PCDHA10: variants seen among roughly 807,000 people sequenced by gnomAD.
The protein encoded by PCDHA10 is protocadherin alpha 10, also known as protocadherin alpha-10.
In PCDHA10, 45 loss-of-function variants were observed where a neutral mutation model predicts 61.2. That is an observed-to-expected ratio of 0.74 (90% confidence interval 0.58 to 0.94). PCDHA10 has a LOEUF of 0.94. PCDHA10 is among the 40% of genes least tolerant of loss of function. The pLI, the probability that PCDHA10 is intolerant of heterozygous loss-of-function variation, is 0.00. For synonymous variants in PCDHA10, 602 were observed against 548.8 expected (o/e 1.10, Z -1.35); for missense variants, 1,278 against 1,236.2 (o/e 1.03, Z -0.51).
intron 1 of PCDHA10, among the ~76,000 whole-genome samples, chr5:140,958,752 T>A (rs1423879082): frequency 6.6e-6 from 1 of 152,166 alleles, no homozygotes; most frequent in Non-Finnish European, 1.5e-5. Context: ...AAAGGAGATT[T>A]TTACCCATTT....
chr5:141,004,768 A>G (rs2098180289), intron 3 of PCDHA10, among the ~76,000 whole-genome samples: 1 of 152,160 alleles, frequency 6.6e-6, no homozygotes, highest in Non-Finnish European at 1.5e-5. Flanking sequence ...CAGGACCTGT[A>G]TTTTAAAGGT....
At chr5:140,884,033 C>T in intron 1 of PCDHA10, 1 of 1,613,402 alleles carries the variant, frequency 6.2e-7, no homozygotes, top group Non-Finnish European at 8.5e-7. Context: ...GGGTGCAGGC[C>T]ACGTGGTGGC....
intron 1 of PCDHA10, among the ~76,000 whole-genome samples, chr5:140,959,927 C>A (rs1554224406): frequency 6.6e-6 from 1 of 152,038 alleles, no homozygotes; most frequent in African/African-American, 2.4e-5. Flanking sequence ...TTGTAAAGCC[C>A]CATTACTTAG....
chr5:140,905,891 G>A (rs1486335678), intron 1 of PCDHA10, among the ~76,000 whole-genome samples: 2 of 152,162 alleles, frequency 1.3e-5, no homozygotes, highest in African/African-American at 4.8e-5. Context: ...TAGGCCATCT[G>A]CAAGCTGAGG....
chr5:140,964,600 A>G (rs1322521285), intron 1 of PCDHA10, among the ~76,000 whole-genome samples: 1 of 152,104 alleles, frequency 6.6e-6, no homozygotes, highest in Non-Finnish European at 1.5e-5. Flanking sequence ...TTTCATGACA[A>G]CTTACAACTT....
At chr5:140,990,084 C>T (rs31873) in intron 3 of PCDHA10, among the ~76,000 whole-genome samples, 3,615 of 152,028 alleles carry the variant, frequency 0.024, 147 homozygotes, top group African/African-American at 0.081. Flanking sequence ...ACAAAGGATG[C>T]TTGTGCTACT....
chr5:140,993,462 T>TCTCACACACACA (rs1235362335), intron 3 of PCDHA10, among the ~76,000 whole-genome samples: 1 of 140,938 alleles, frequency 7.1e-6, no homozygotes, highest in African/African-American at 2.6e-5. Context: ...TCTTTCTTTC[T>TCTCACACACACA]CACACACACA....
At chr5:140,927,033 G>T in intron 1 of PCDHA10, 1 of 1,612,344 alleles carries the variant, frequency 6.2e-7, no homozygotes, top group Non-Finnish European at 8.5e-7. Context: ...GGCTGCCAGC[G>T]GCCGCTATGT....
chr5:140,869,270 T>G (rs782020247), intron 1 of PCDHA10: 48 of 1,613,430 alleles, frequency 3.0e-5, no homozygotes, highest in Non-Finnish European at 4.0e-5. Context: ...GGGCTGGAGC[T>G]GGCGGAGCTG....
At chr5:140,870,100 T>G in intron 1 of PCDHA10, 3 of 1,613,914 alleles carry the variant, frequency 1.9e-6, no homozygotes, top group Non-Finnish European at 2.5e-6. Context: ...GGCAGGTCAC[T>G]GTACAGTCTG....
chr5:140,891,742 A>T (rs2063228656), intron 1 of PCDHA10, among the ~76,000 whole-genome samples: 1 of 152,150 alleles, frequency 6.6e-6, no homozygotes, highest in African/African-American at 2.4e-5. Context: ...TCAATCCCTT[A>T]TACAACAGTG....
chr5:140,927,758 A>G (rs781942462), intron 1 of PCDHA10: 1 of 1,614,170 alleles, frequency 6.2e-7, no homozygotes, highest in Non-Finnish European at 8.5e-7. Flanking sequence ...GTGCACCCTA[A>G]AAGTGGGGAG....
At chr5:140,905,621 T>C (rs1180191773) in intron 1 of PCDHA10, among the ~76,000 whole-genome samples, 1 of 152,224 alleles carries the variant, frequency 6.6e-6, no homozygotes, top group Non-Finnish European at 1.5e-5. Flanking sequence ...TAGATTGCTT[T>C]TGACAGTATG....
rs1314972050 is a variant in PCDHA10, at chr5:141,011,103, T to A, written c.*1166T>A. 6.5e-6 allele frequency: 1 copy of A among 153,762 alleles called. No individual in the cohort carries two copies. Among genetic ancestry groups the A allele is most frequent in the Non-Finnish European group, 1.5e-5 (1 of 68,036 alleles). The allele number at this position is 153,762 out of a possible 1,614,324, so 9.5% of individuals were successfully genotyped here. A position where few individuals can be genotyped will look rare whatever the true frequency, so the allele number is the denominator to read the frequency against. On this transcript the variant is annotated 3_prime_UTR_variant, in exon 4 of 4. Coordinates refer to ENST00000307360, the MANE Select transcript of PCDHA10 (RefSeq NM_018901.4). ...TGATCTCTCTTTCTCTCTCTCTCTC[T>A]CTTTTCTAAGAAACAATTATGTGCA... is the stretch of plus-strand genomic sequence containing the variant.
At chr5:140,871,728 G>A in intron 1 of PCDHA10, 1 of 724,824 alleles carries the variant, frequency 1.4e-6, no homozygotes, top group South Asian at 2.4e-5. Flanking sequence ...CTTAATATTT[G>A]GTTAGCAAAT....
intron 1 of PCDHA10, chr5:140,866,746 G>A (rs1264233885): frequency 6.6e-6 from 1 of 152,118 alleles, no homozygotes; most frequent in Admixed American, 6.5e-5. Flanking sequence ...ATACTTATAT[G>A]ACTAACAGGA....
chr5:140,897,937 C>T (rs1487544322), intron 1 of PCDHA10, among the ~76,000 whole-genome samples: 7 of 152,184 alleles, frequency 4.6e-5, no homozygotes, highest in African/African-American at 1.7e-4. Flanking sequence ...CTCTGATGGC[C>T]AGTGATGATT....
intron 1 of PCDHA10, chr5:140,929,103 G>A: frequency 6.2e-7 from 1 of 1,614,180 alleles, no homozygotes; most frequent in African/African-American, 1.3e-5. Flanking sequence ...ATCCTTGCAT[G>A]ACATCAGCCA....
intron 1 of PCDHA10, among the ~76,000 whole-genome samples, chr5:140,890,753 C>A (rs1274674281): frequency 3.3e-5 from 5 of 152,114 alleles, no homozygotes; most frequent in Admixed American, 2.6e-4. Flanking sequence ...TTCTGTCATG[C>A]TTTAAAAATA....
Sources: gnomAD v4.1 joint callset for allele counts (sites outside exome capture counted in the v4.1 genomes callset) on GRCh38, gnomAD v4.1.1 for gene constraint, MANE v1.5 for transcripts, NCBI Gene and HGNC (gene_info 2026-07-23, HGNC 2026-07-21) for gene names.